AATF: variants seen among roughly 807,000 people sequenced by gnomAD.
The protein encoded by AATF is protein AATF.
Under a neutral mutation model 63.7 loss-of-function variants are expected in AATF, and 48 were observed. That is an observed-to-expected ratio of 0.75 (90% CI 0.60 to 0.96). AATF has a LOEUF of 0.96. Ranked by LOEUF, AATF falls within the 40% of genes least tolerant of loss-of-function variation. The pLI is 0.00. For missense variants in AATF, 639 were observed against 685.7 expected (o/e 0.93, Z 0.76); for synonymous variants, 258 against 247.7 (o/e 1.04, Z -0.39).
At chr17:37,042,575 C>T (rs2071649900) in intron 11 of AATF, among the ~76,000 whole-genome samples, 1 of 145,298 alleles carries the variant, frequency 6.9e-6, no homozygotes, top group Admixed American at 6.8e-5. Flanking sequence ...CTACCACACC[C>T]AGCTTTTTTT....
rs529905936 is a variant in AATF at position 37,029,779 on chromosome 17, T to A, written c.1548-1835T>A. The stretch of plus-strand genomic sequence containing the variant: ...TGGGGTTTCAACATGTTGGCCAGGC[T>A]GGTCTTGAACTCCTGACCTCAGGTG... On this transcript the variant is annotated intron_variant, in intron 10 of 11. Transcript: ENST00000619387. Among the ~76,000 whole-genome samples, 185 of 152,038 alleles carry A rather than the reference T, an allele frequency of 1.2e-3. 1 individual carries two copies. Among genetic ancestry groups the A allele is most frequent in the Middle Eastern group, 3.4e-3 (1 of 292 alleles).
chr17:37,047,819 G>C (rs2071706691), intron 11 of AATF, among the ~76,000 whole-genome samples: 1 of 152,212 alleles, frequency 6.6e-6, no homozygotes, highest in African/African-American at 2.4e-5. Flanking sequence ...TTGGAAACGA[G>C]TCGTGTACTG....
chr17:36,997,046 T>C (rs542287168), intron 8 of AATF, among the ~76,000 whole-genome samples: 4 of 152,230 alleles, frequency 2.6e-5, no homozygotes, highest in Non-Finnish European at 5.9e-5. Flanking sequence ...TAGGCAAATA[T>C]GTGGCCAAAA....
intron 4 of AATF, among the ~76,000 whole-genome samples, chr17:36,971,077 G>C (rs2071035818): frequency 6.6e-6 from 1 of 151,894 alleles, no homozygotes. Flanking sequence ...TTGATAATTG[G>C]GCCAAATCAG....
At chr17:36,955,283 G>A (rs1567963531) in intron 4 of AATF, among the ~76,000 whole-genome samples, 1 of 152,200 alleles carries the variant, frequency 6.6e-6, no homozygotes. Flanking sequence ...AACGTTTCTT[G>A]TAGGTGAATA....
intron 8 of AATF, among the ~76,000 whole-genome samples, chr17:37,006,222 C>T (rs2071340476): frequency 6.6e-6 from 1 of 152,188 alleles, no homozygotes; most frequent in Admixed American, 6.5e-5. Context: ...GTAATCCCAG[C>T]ACTTTGGGAG....
chr17:36,981,143 A>G (rs2071120469), intron 4 of AATF, among the ~76,000 whole-genome samples: 1 of 152,202 alleles, frequency 6.6e-6, no homozygotes, highest in East Asian at 1.9e-4. Flanking sequence ...ATGCTGCCTA[A>G]TATATCTGCA....
chr17:36,966,721 G>T (rs1436257486), intron 4 of AATF, among the ~76,000 whole-genome samples: 1 of 152,076 alleles, frequency 6.6e-6, no homozygotes, highest in Admixed American at 6.5e-5. Flanking sequence ...AATTGTTCCT[G>T]TCTCAACCAG....
At chr17:37,013,345 CT>C (rs2071405917) in intron 8 of AATF, among the ~76,000 whole-genome samples, 1 of 152,160 alleles carries the variant, frequency 6.6e-6, no homozygotes, top group Non-Finnish European at 1.5e-5. Context: ...TCTCAAGTGT[CT>C]TAGTCTGTTC....
Position 36,953,283 on chromosome 17 carries a change from G to A in AATF, c.681G>A (p.Val227=). The A allele has an allele frequency of 6.2e-7, 1 of 1,613,598 alleles. No homozygotes were observed. Among genetic ancestry groups the A allele is most frequent in the Non-Finnish European group, 8.5e-7 (1 of 1,179,528 alleles). ...AGGAAGTGGAGAAAGGAAGAGCCGT[G>A]AAGAACCAGATAGGTTTGTACATGG... The part of the protein sequence containing the change: ...VSEEVEKGRA[V]KNQIALWDQL... Residue 227 remains valine (V), a synonymous_variant, in exon 3 of 12, where the codon GTG becomes GTA. Coordinates refer to ENST00000619387, the MANE Select transcript of AATF (RefSeq NM_012138.4).
intron 8 of AATF, 123 bp from the exon 9 acceptor site, chr17:37,018,879 GGTT>G: frequency 1.3e-6 from 1 of 744,898 alleles, no homozygotes; most frequent in Non-Finnish European, 2.4e-6. Flanking sequence ...CTTGCCACTG[GGTT>G]GTCCCTTATT....
intron 10 of AATF, among the ~76,000 whole-genome samples, chr17:37,025,494 A>AGGGGGG (rs1200556008): frequency 1.2e-4 from 19 of 152,208 alleles, no homozygotes; most frequent in African/African-American, 4.3e-4. Flanking sequence ...GTGGCCATTG[A>AGGGGGG]CGGGGGAGGG....
chr17:37,001,627 A>T (rs2071299117), intron 8 of AATF, among the ~76,000 whole-genome samples: 1 of 152,194 alleles, frequency 6.6e-6, no homozygotes, highest in Non-Finnish European at 1.5e-5. Flanking sequence ...AAAGCCTTTA[A>T]CATCTTCTCA....
chr17:36,950,348 A>C lies in AATF; in HGVS notation c.226A>C (p.Thr76Pro), dbSNP rs1192252508. 1 of 1,614,050 alleles carries C rather than the reference A, an allele frequency of 6.2e-7. No individual in the cohort carries two copies. The highest frequency in any genetic ancestry group is 1.3e-5 in the African/African-American group (1 of 74,914). The change falls in exon 2 of 12, where the codon ACC (threonine) becomes CCC (proline). Residue 76 changes from threonine (T) to proline (P), a missense_variant. Physicochemically the swap from Thr to Pro is conservative, Grantham distance 38. Coordinates refer to ENST00000619387, the MANE Select transcript of AATF (RefSeq NM_012138.4). ...DTDKRYCGKT[T>P]SRKAWNEDHW... ...GGACAAAAGGTATTGCGGCAAAACC[A>C]CCTCTAGAAAAGCATGGAATGAAGA...
chr17:36,976,680 T>G (rs1233561631), intron 4 of AATF, among the ~76,000 whole-genome samples: 1 of 152,184 alleles, frequency 6.6e-6, no homozygotes, highest in African/African-American at 2.4e-5. Context: ...AAGGAGCTCA[T>G]AGTAAGGTGA....
intron 4 of AATF, among the ~76,000 whole-genome samples, chr17:36,964,835 A>C (rs894220304): frequency 6.8e-6 from 1 of 147,692 alleles, no homozygotes; most frequent in Non-Finnish European, 1.5e-5. Flanking sequence ...TCTTGTGTTA[A>C]ATTTTCCATT....
intron 8 of AATF, among the ~76,000 whole-genome samples, chr17:36,994,596 A>G (rs1466703883): frequency 6.6e-6 from 1 of 152,230 alleles, no homozygotes; most frequent in Non-Finnish European, 1.5e-5. Context: ...GTCAAAGCGC[A>G]TTCCTAAAGG....
chr17:37,014,207 G>A (rs1353274562), intron 8 of AATF, among the ~76,000 whole-genome samples: 1 of 151,888 alleles, frequency 6.6e-6, no homozygotes, highest in Non-Finnish European at 1.5e-5. Context: ...GGCAGAGGCT[G>A]CAATGCGCTG....
intron 11 of AATF, chr17:37,034,551 G>A (rs1002883732): frequency 2.6e-5 from 4 of 151,894 alleles, no homozygotes; most frequent in Admixed American, 2.6e-4. Context: ...TTGGTGTGCC[G>A]GGGGCATAGA....
Sources: gnomAD v4.1 joint callset for allele counts (sites outside exome capture counted in the v4.1 genomes callset) on GRCh38, gnomAD v4.1.1 for gene constraint, MANE v1.5 for transcripts, NCBI Gene and HGNC (gene_info 2026-07-23, HGNC 2026-07-21) for gene names.